CATSPERT: variants seen among roughly 807,000 people sequenced by gnomAD.
CATSPERT encodes catsper channel auxiliary subunit tau.
the CATSPERT span, among the ~76,000 whole-genome samples, chr2:201,571,022 A>C: frequency 6.6e-6 from 1 of 152,126 alleles, no homozygotes; most frequent in Admixed American, 6.6e-5. Context: ...GCATCATCAT[A>C]GTAATTATTT....
chr2:201,538,816 C>T, the CATSPERT span, among the ~76,000 whole-genome samples: 2 of 152,124 alleles, frequency 1.3e-5, no homozygotes, highest in Non-Finnish European at 2.9e-5. Context: ...TCTGCCTCCT[C>T]CTACCCTCCA....
chr2:201,596,608 G>A, the CATSPERT span, among the ~76,000 whole-genome samples: 1 of 152,096 alleles, frequency 6.6e-6, no homozygotes, highest in Non-Finnish European at 1.5e-5. Flanking sequence ...CTTCCTCTGG[G>A]ACTCAACTAT....
the CATSPERT span, among the ~76,000 whole-genome samples, chr2:201,560,292 C>T: frequency 3.6e-4 from 54 of 151,910 alleles, no homozygotes; most frequent in Admixed American, 9.8e-4. Context: ...GGCTTGGTGG[C>T]TCACATCTGT....
chr2:201,550,590 C>T, the CATSPERT span: 1 of 115,450 alleles, frequency 8.7e-6, no homozygotes, highest in East Asian at 4.5e-4. Flanking sequence ...CTCATCATTT[C>T]ACTCCCATTC....
chr2:201,508,221 G>A, the CATSPERT span, among the ~76,000 whole-genome samples: 77 of 152,264 alleles, frequency 5.1e-4, no homozygotes, highest in African/African-American at 1.8e-3. Flanking sequence ...AAGAATAAAA[G>A]CCTTTTATGT....
chr2:201,515,535 A>G, the CATSPERT span, among the ~76,000 whole-genome samples: 1 of 152,118 alleles, frequency 6.6e-6, no homozygotes, highest in Non-Finnish European at 1.5e-5. Context: ...TAATAACACC[A>G]TAGTCAGGGC....
chr2:201,509,876 C>T, the CATSPERT span, among the ~76,000 whole-genome samples: 1 of 150,928 alleles, frequency 6.6e-6, no homozygotes, highest in East Asian at 1.9e-4. Flanking sequence ...CCTTCCATTC[C>T]TTACTCCCCA....
chr2:201,594,338 C>T, the CATSPERT span, among the ~76,000 whole-genome samples: 11 of 152,222 alleles, frequency 7.2e-5, no homozygotes, highest in Non-Finnish European at 1.2e-4. Context: ...GAGTTTCTGC[C>T]GAGAGATCCA....
At chr2:201,510,969 G>GCTT in the CATSPERT span, among the ~76,000 whole-genome samples, 3 of 152,172 alleles carry the variant, frequency 2.0e-5, no homozygotes, top group Non-Finnish European at 4.4e-5. Flanking sequence ...ATTTTCACAT[G>GCTT]TAAGTAAGCA....
At chr2:201,599,087 T>C in the CATSPERT span, among the ~76,000 whole-genome samples, 1 of 152,122 alleles carries the variant, frequency 6.6e-6, no homozygotes, top group Admixed American at 6.6e-5. Flanking sequence ...GTCCTCTGCC[T>C]CCTGACCATT....
the CATSPERT span, chr2:201,534,575 C>T: frequency 1.0e-6 from 1 of 983,238 alleles, no homozygotes; most frequent in Non-Finnish European, 1.2e-6. Flanking sequence ...AGGACATGAT[C>T]TGTCTACTCA....
the CATSPERT span, among the ~76,000 whole-genome samples, chr2:201,537,861 G>A: frequency 1.3e-5 from 2 of 151,934 alleles, no homozygotes; most frequent in African/African-American, 4.8e-5. Context: ...TAAAATACTT[G>A]TAAAATTTTC....
chr2:201,536,256 T>C, the CATSPERT span: 23 of 1,613,244 alleles, frequency 1.4e-5, no homozygotes, highest in Non-Finnish European at 2.0e-5. Context: ...AGCAGTTGAA[T>C]TATCTTGGTC....
chr2:201,513,968 G>A, the CATSPERT span, among the ~76,000 whole-genome samples: 8,529 of 151,938 alleles, frequency 0.056, 285 homozygotes, highest in African/African-American at 0.074. Flanking sequence ...AGAACAAATC[G>A]AAAGATAAAT....
chr2:201,589,544 C>T, the CATSPERT span, among the ~76,000 whole-genome samples: 3 of 152,034 alleles, frequency 2.0e-5, no homozygotes, highest in Non-Finnish European at 4.4e-5. Flanking sequence ...GGATAACTGG[C>T]GAGCCATATG....
At chr2:201,491,373 C>T in the CATSPERT span, 1 of 1,537,072 alleles carries the variant, frequency 6.5e-7, no homozygotes. Flanking sequence ...GGTGTGGTTT[C>T]AAGTTTTTCT....
At chr2:201,551,892 G>A in the CATSPERT span, among the ~76,000 whole-genome samples, 2 of 148,216 alleles carry the variant, frequency 1.3e-5, no homozygotes, top group Admixed American at 1.3e-4. Context: ...TGGCCAACAA[G>A]AGGGAAACTC....
the CATSPERT span, chr2:201,575,190 AG>A: frequency 2.8e-6 from 3 of 1,055,290 alleles, no homozygotes; most frequent in Middle Eastern, 4.4e-4. Context: ...AAAAACATGT[AG>A]GCTACAAATA....
At chr2:201,582,891 T>C in the CATSPERT span, among the ~76,000 whole-genome samples, 2 of 152,136 alleles carry the variant, frequency 1.3e-5, no homozygotes, top group East Asian at 3.9e-4. Context: ...ATCAGCCTTC[T>C]TAAAGTTATG....
Sources: gnomAD v4.1 joint callset for allele counts (sites outside exome capture counted in the v4.1 genomes callset) on GRCh38, gnomAD v4.1.1 for gene constraint, MANE v1.5 for transcripts, NCBI Gene and HGNC (gene_info 2026-07-23, HGNC 2026-07-21) for gene names.